The following CDK14 variants were observed in gnomAD, a reference collection of about 807,000 sequenced individuals.
CDK14 encodes the protein cyclin dependent kinase 14, also known as cyclin-dependent kinase 14.
In CDK14, 34 loss-of-function variants were observed where a neutral mutation model predicts 60.7. The observed-to-expected ratio is 0.56, with a 90% CI of 0.43 to 0.75. The LOEUF is 0.75. Ranked by LOEUF, CDK14 falls within the 30% of genes least tolerant of loss-of-function variation. CDK14 has a pLI of 0.00. For synonymous variants in CDK14, 197 were observed against 203.7 expected (o/e 0.97, Z 0.28); for missense variants, 482 against 564.1 (o/e 0.85, Z 1.47).
intron 11 of CDK14, among the ~76,000 whole-genome samples, chr7:91,072,482 G>A (rs1055634579): frequency 2.6e-5 from 4 of 152,036 alleles, no homozygotes; most frequent in African/African-American, 9.7e-5. Flanking sequence ...AGCAACAACA[G>A]CATCAACAAA....
At chr7:90,984,310 A>C in intron 10 of CDK14, 69 bp downstream of exon 10, 2 of 950,668 alleles carry the variant, frequency 2.1e-6, no homozygotes, top group South Asian at 1.3e-5. Flanking sequence ...CAAATTCTAC[A>C]GCAGTCTGTG....
intron 2 of CDK14, chr7:90,710,235 A>G (rs1329158913): frequency 1.0e-6 from 1 of 984,872 alleles, no homozygotes; most frequent in Non-Finnish European, 1.2e-6. Flanking sequence ...TAAGATGGGG[A>G]AAAGGTTTAA....
chr7:90,655,733 C>G (rs1800738832), intron 2 of CDK14, among the ~76,000 whole-genome samples: 1 of 152,124 alleles, frequency 6.6e-6, no homozygotes, highest in South Asian at 2.1e-4. Context: ...CTCTTACTTC[C>G]TTTTGAGTAA....
intron 6 of CDK14, among the ~76,000 whole-genome samples, chr7:90,892,361 T>C (rs548275554): frequency 6.6e-6 from 1 of 152,388 alleles, no homozygotes; most frequent in East Asian, 1.9e-4. Flanking sequence ...AGTTTTCTTC[T>C]GTGTCTTTCA....
chr7:90,674,252 G>A (rs2116541645), intron 2 of CDK14, among the ~76,000 whole-genome samples: 1 of 152,300 alleles, frequency 6.6e-6, no homozygotes, highest in East Asian at 1.9e-4. Context: ...TTAATTACTG[G>A]GATAGGAGTC....
intron 10 of CDK14, among the ~76,000 whole-genome samples, chr7:91,045,113 A>T (rs1291656503): frequency 1.3e-5 from 2 of 152,084 alleles, no homozygotes; most frequent in East Asian, 3.9e-4. Context: ...CTTAACCCTG[A>T]ATCTCCCCTT....
At chr7:91,141,077 T>G (rs1800441907) in intron 14 of CDK14, among the ~76,000 whole-genome samples, 1 of 152,178 alleles carries the variant, frequency 6.6e-6, no homozygotes, top group African/African-American at 2.4e-5. Flanking sequence ...AAGAGATTTT[T>G]GTACATCAGC....
chr7:90,602,457 C>T (rs1799336111), intron 1 of CDK14, among the ~76,000 whole-genome samples: 1 of 152,218 alleles, frequency 6.6e-6, no homozygotes, highest in East Asian at 1.9e-4. Context: ...GTAAAGGACT[C>T]ATTAGTCAAA....
intron 10 of CDK14, among the ~76,000 whole-genome samples, chr7:91,023,060 C>G (rs1420628314): frequency 6.6e-6 from 1 of 151,628 alleles, no homozygotes; most frequent in Non-Finnish European, 1.5e-5. Context: ...TTTGAAAGTA[C>G]TAACAACTAT....
intron 4 of CDK14, among the ~76,000 whole-genome samples, chr7:90,768,031 G>A (rs1003369071): frequency 3.9e-5 from 6 of 152,092 alleles, no homozygotes; most frequent in African/African-American, 7.2e-5. Context: ...TTGTTTACAC[G>A]TATTTATTCA....
intron 10 of CDK14, among the ~76,000 whole-genome samples, chr7:91,044,010 C>T (rs1797164407): frequency 6.6e-6 from 1 of 152,174 alleles, no homozygotes; most frequent in African/African-American, 2.4e-5. Context: ...GAATATGCTT[C>T]ATTTCCTCTG....
At chr7:90,849,889 T>C (rs1790592294) in intron 5 of CDK14, among the ~76,000 whole-genome samples, 2 of 152,062 alleles carry the variant, frequency 1.3e-5, no homozygotes, top group Non-Finnish European at 2.9e-5. Flanking sequence ...ACTTATCTCA[T>C]GCTGAATAAA....
chr7:90,964,105 C>T (rs1431939687), intron 9 of CDK14, among the ~76,000 whole-genome samples: 1 of 152,160 alleles, frequency 6.6e-6, no homozygotes, highest in Non-Finnish European at 1.5e-5. Context: ...AGCGTCATGG[C>T]AGTCTGACAT....
chr7:90,840,910 CATT>C (rs1790267474), intron 5 of CDK14, among the ~76,000 whole-genome samples: 2 of 12,912 alleles, frequency 1.5e-4, no homozygotes, highest in Non-Finnish European at 2.9e-4. Context: ...TTTTCATTGA[CATT>C]GTGTCTGTTT....
chr7:90,934,862 G>A (rs1341241241), intron 8 of CDK14, among the ~76,000 whole-genome samples: 1 of 152,180 alleles, frequency 6.6e-6, no homozygotes, highest in Non-Finnish European at 1.5e-5. Context: ...ATGAAAAATT[G>A]AAGAAATTCA....
chr7:90,785,019 A>G (rs558807782), intron 4 of CDK14, among the ~76,000 whole-genome samples: 5 of 152,310 alleles, frequency 3.3e-5, no homozygotes, highest in Middle Eastern at 3.4e-3. Context: ...CACTCCCTCC[A>G]AAGTATCTAC....
At chr7:91,180,140 T>C (rs2115871996) in intron 14 of CDK14, among the ~76,000 whole-genome samples, 1 of 152,286 alleles carries the variant, frequency 6.6e-6, no homozygotes, top group Non-Finnish European at 1.5e-5. Flanking sequence ...CCTTGTCAGC[T>C]GAGGTGCAGA....
intron 2 of CDK14, among the ~76,000 whole-genome samples, chr7:90,631,040 CACTT>C (rs1450051661): frequency 6.6e-6 from 1 of 152,026 alleles, no homozygotes; most frequent in Non-Finnish European, 1.5e-5. Flanking sequence ...ATATTACAAA[CACTT>C]ACTATCAAAA....
In CDK14 at chr7:91,021,563, T is replaced by C. The variant is rs956864798; in HGVS notation, c.1042-24334T>C. 3.9e-5 allele frequency among the ~76,000 whole-genome samples: 6 copies of C among 152,146 alleles called. No homozygotes were observed. In the East Asian group the frequency reaches 1.2e-3, roughly 29 times the overall value. ...TACAAAAATGAACAAGTACAAGAAA[T>C]CTACTGACTAGAGAGATAGAAAAAG... On this transcript the variant is annotated intron_variant, in intron 10 of 14. Transcript: ENST00000380050.
Sources: gnomAD v4.1 joint callset for allele counts (sites outside exome capture counted in the v4.1 genomes callset) on GRCh38, gnomAD v4.1.1 for gene constraint, MANE v1.5 for transcripts, NCBI Gene and HGNC (gene_info 2026-07-23, HGNC 2026-07-21) for gene names.